RCAN1: variants seen among roughly 807,000 people sequenced by gnomAD.
The protein encoded by RCAN1 is regulator of calcineurin 1.
A neutral mutation model predicts 22.9 loss-of-function variants in RCAN1; 11 were observed. The observed-to-expected ratio is 0.48, with a 90% CI of 0.30 to 0.79. The LOEUF (loss-of-function observed/expected upper bound fraction) is 0.79, where lower values mean the gene tolerates loss of function less well. Ranked by LOEUF, RCAN1 falls within the 30% of genes least tolerant of loss-of-function variation. The probability of loss-of-function intolerance (pLI) is 0.06; values close to 1 mark genes in which losing one functional copy is unlikely to be tolerated. For missense variants in RCAN1, 291 were observed against 337.8 expected (o/e 0.86, Z 1.09); for synonymous variants, 136 against 142.3 (o/e 0.96, Z 0.32).
At chr21:34,582,835 C>G (rs1240637443) in intron 1 of RCAN1, among the ~76,000 whole-genome samples, 1 of 152,086 alleles carries the variant, frequency 6.6e-6, no homozygotes, top group Non-Finnish European at 1.5e-5. Context: ...CTGGTTTAGA[C>G]AGGGGTGAGA....
At chr21:34,605,173 T>C (rs978271434) in intron 1 of RCAN1, among the ~76,000 whole-genome samples, 3 of 152,226 alleles carry the variant, frequency 2.0e-5, no homozygotes, top group Non-Finnish European at 4.4e-5. Flanking sequence ...GTGGGCACCA[T>C]CTAATCAGCT....
chr21:34,548,556 A>C (rs991715196), intron 1 of RCAN1, among the ~76,000 whole-genome samples: 10 of 152,210 alleles, frequency 6.6e-5, no homozygotes, highest in African/African-American at 2.4e-4. Context: ...GCAATGTCGA[A>C]ACTTTTGAAA....
chr21:34,586,358 T>C (rs1987796224), intron 1 of RCAN1, among the ~76,000 whole-genome samples: 1 of 151,278 alleles, frequency 6.6e-6, no homozygotes. Flanking sequence ...TCTGATCACA[T>C]AATGGAATTA....
intron 1 of RCAN1, among the ~76,000 whole-genome samples, chr21:34,611,269 T>G (rs1225815344): frequency 1.3e-5 from 2 of 152,188 alleles, no homozygotes; most frequent in Non-Finnish European, 2.9e-5. Context: ...AGTACTATAA[T>G]GGAATATGTT....
chr21:34,529,503 T>C (rs1279130777), intron 1 of RCAN1, among the ~76,000 whole-genome samples: 2 of 152,216 alleles, frequency 1.3e-5, no homozygotes, highest in Non-Finnish European at 2.9e-5. Context: ...AGAGAGTCTG[T>C]CTTTGACTGC....
chr21:34,527,343 T>C (rs1601138398), intron 1 of RCAN1, among the ~76,000 whole-genome samples: 1 of 152,160 alleles, frequency 6.6e-6, no homozygotes, highest in Admixed American at 6.5e-5. Flanking sequence ...AGTTTCACTT[T>C]GGGGTATTAG....
intron 1 of RCAN1, among the ~76,000 whole-genome samples, chr21:34,526,493 T>C (rs915716674): frequency 2.0e-5 from 3 of 152,174 alleles, no homozygotes; most frequent in Non-Finnish European, 4.4e-5. Context: ...CTTCCTCAGT[T>C]AATTCCTCAG....
Position 34,518,231 on chromosome 21 carries a change from C to T in RCAN1, c.612G>A (p.Ala204=), listed in dbSNP as rs778742102. The T allele has an allele frequency of 3.1e-6, 5 of 1,614,024 alleles. No individual in the cohort carries two copies. Among genetic ancestry groups the T allele is most frequent in the Middle Eastern group, 1.6e-4 (1 of 6,078 alleles). Residue 204 remains alanine (A), a synonymous_variant, in exon 4 of 4, where the codon GCG becomes GCA. Coordinates refer to ENST00000313806, the MANE Select transcript of RCAN1 (RefSeq NM_004414.7). This position sits in a 1 kb window ranked among gnomAD's most constrained non-coding sequence, Gnocchi z 4.2. ...CCACCACGCTGGGAGTGGTGTCAGTCGCTGCGTGCAATTCATACTTTTCCC... is the reference window on the plus strand; with the variant it reads ...CCACCACGCTGGGAGTGGTGTCAGTTGCTGCGTGCAATTCATACTTTTCCC... ...GPGEKYELHA[A]TDTTPSVVVH...
At chr21:34,565,411 G>A (rs187479750) in intron 1 of RCAN1, among the ~76,000 whole-genome samples, 17 of 152,290 alleles carry the variant, frequency 1.1e-4, no homozygotes, top group African/African-American at 3.8e-4. Flanking sequence ...AGTGCACAGA[G>A]GGCAGCCTGC....
At chr21:34,521,801 T>C in intron 2 of RCAN1, 143 bp from the exon 3 acceptor site, 1 of 667,442 alleles carries the variant, frequency 1.5e-6, no homozygotes, top group Non-Finnish European at 2.5e-6. Flanking sequence ...AATTGTAAGA[T>C]GGTCTGTAAT....
intron 1 of RCAN1, among the ~76,000 whole-genome samples, chr21:34,587,667 C>G (rs563990896): frequency 1.3e-5 from 2 of 152,174 alleles, no homozygotes; most frequent in South Asian, 4.2e-4. Context: ...ATACTCCCAA[C>G]TGGAAAAGTC....
At chr21:34,577,764 G>A (rs952942130) in intron 1 of RCAN1, among the ~76,000 whole-genome samples, 11 of 152,202 alleles carry the variant, frequency 7.2e-5, no homozygotes. Flanking sequence ...GCACGGGAGA[G>A]TGGAAGCAGG....
intron 1 of RCAN1, among the ~76,000 whole-genome samples, chr21:34,597,809 T>C (rs898734476): frequency 7.2e-5 from 11 of 151,990 alleles, no homozygotes; most frequent in African/African-American, 2.4e-4. Flanking sequence ...CTATTAGAAA[T>C]AGTCAAAGGC....
Position 34,518,318 on chromosome 21 carries a change from A to G in RCAN1, c.587-62T>C, listed in dbSNP as rs182357625. ...AGTCCTTGGGAGTCAAAAGGCAAACATAAAAGAGCATTCAGGGCTCTGCTG... is the reference window on the plus strand; with the variant it reads ...AGTCCTTGGGAGTCAAAAGGCAAACGTAAAAGAGCATTCAGGGCTCTGCTG... On this transcript the variant is annotated intron_variant, in intron 3 of 3. Transcript: ENST00000313806. The surrounding 1 kb of genome is among the most constrained non-coding windows in gnomAD (Gnocchi z 4.2). The G allele has an allele frequency of 9.2e-4, 1,440 of 1,562,176 alleles. 10 individuals are homozygous for G. The African/African-American group carries it at 0.016, about 17-fold the overall frequency.
At chr21:34,536,740 A>G (rs571761305) in intron 1 of RCAN1, among the ~76,000 whole-genome samples, 44 of 152,230 alleles carry the variant, frequency 2.9e-4, no homozygotes, top group African/African-American at 9.4e-4. Context: ...AGGGAAGGGG[A>G]AAAAAATGAG....
At chr21:34,575,766 A>C (rs1470101832) in intron 1 of RCAN1, among the ~76,000 whole-genome samples, 1 of 152,156 alleles carries the variant, frequency 6.6e-6, no homozygotes, top group Non-Finnish European at 1.5e-5. Context: ...AACAGCAACG[A>C]CACGTGCAAA....
In RCAN1 at chr21:34,586,398, AC is replaced by A. The variant is rs1167313181; in HGVS notation, c.252+28361del. ...AGGAATCAATAACATTAAAAAAAAA[AC>A]CCCAAATGTTTATGAACAAAGTGAT... On this transcript the variant is annotated intron_variant, in intron 1 of 3. Coordinates refer to ENST00000313806, the MANE Select transcript of RCAN1 (RefSeq NM_004414.7). Among the ~76,000 whole-genome samples, 33 of 146,828 alleles carry A rather than the reference AC, an allele frequency of 2.2e-4. No individual in the cohort carries two copies. In the East Asian group the frequency reaches 3.5e-3, roughly 15 times the overall value.
chr21:34,614,729 G>A lies in RCAN1; in HGVS notation c.252+31C>T, dbSNP rs757035482. ...CTCGGGCAACAAGTGTCCGCCCTCC[G>A]CCCCGACGGCCCGCCCGGCGCGGTC... On this transcript the variant is annotated intron_variant, in intron 1 of 3. Transcript: ENST00000313806. The surrounding 1 kb of genome is among the most constrained non-coding windows in gnomAD (Gnocchi z 6.0). 1.4e-6 allele frequency: 2 copies of A among 1,397,622 alleles called. No homozygotes were observed. The highest frequency in any genetic ancestry group is 1.5e-5 in the African/African-American group (1 of 65,892). 86.6% of individuals were successfully genotyped at this position (1,397,622 alleles called of 1,614,324 possible).
At position 34,614,826 on chromosome 21, in the gene RCAN1, C is replaced by G; in HGVS notation, c.186G>C (p.Gln62His). 6.7e-7 allele frequency: 1 copy of G among 1,492,254 alleles called. No homozygotes were observed. Among genetic ancestry groups the G allele is most frequent in the Non-Finnish European group, 8.9e-7 (1 of 1,119,638 alleles). The allele number at this position is 1,492,254 out of a possible 1,614,324, so 92.4% of individuals were successfully genotyped here. A position where few individuals can be genotyped will look rare whatever the true frequency, so the allele number is the denominator to read the frequency against. Residue 62 changes from glutamine to histidine, a missense_variant, in exon 1 of 4, where the codon CAG (glutamine) becomes CAC (histidine). Coordinates refer to ENST00000313806, the MANE Select transcript of RCAN1 (RefSeq NM_004414.7). This position sits in a 1 kb window ranked among gnomAD's most constrained non-coding sequence, Gnocchi z 6.0. ...AGGCGATGGTGGCGCTGGGCAGGTCCTGCAGGTCCACCTCCTCCATCTCGC... is the reference window on the plus strand; with the variant it reads ...AGGCGATGGTGGCGCTGGGCAGGTCGTGCAGGTCCACCTCCTCCATCTCGC... Reference protein sequence around the residue: ...IDCEMEEVDLQDLPSATIACH... With the variant: ...IDCEMEEVDLHDLPSATIACH...
Sources: gnomAD v4.1 joint callset for allele counts (sites outside exome capture counted in the v4.1 genomes callset) on GRCh38, gnomAD v4.1.1 for gene constraint, Gnocchi (gnomAD v3.1) non-coding constraint, MANE v1.5 for transcripts, NCBI Gene and HGNC (gene_info 2026-07-23, HGNC 2026-07-21) for gene names.